Variants in GPD2 observed in about 807,000 individuals in gnomAD.
The protein encoded by GPD2 is glycerol-3-phosphate dehydrogenase 2, also known as glycerol-3-phosphate dehydrogenase, mitochondrial.
In GPD2, 54 loss-of-function variants were observed where a neutral mutation model predicts 82.4. The observed-to-expected ratio is 0.66, with a 90% confidence interval of 0.53 to 0.82. The LOEUF is 0.82. Among genes scored for constraint, GPD2 ranks in the 40% least tolerant of loss-of-function variants. The pLI is 0.00. For synonymous variants in GPD2, 288 were observed against 306.1 expected (o/e 0.94, Z 0.62); for missense variants, 748 against 896.2 (o/e 0.83, Z 2.11).
At chr2:156,550,556 CAG>C (rs945484116) in intron 7 of GPD2, 44 bp from the exon 8 acceptor site, 2 of 1,595,418 alleles carry the variant, frequency 1.3e-6, no homozygotes, top group Non-Finnish European at 1.7e-6. Context: ...CATCCGTTAA[CAG>C]AGAAACAAAT....
In GPD2 at chr2:156,528,544, T is replaced by C. The variant is rs375361638; in HGVS notation, c.661+15048T>C. 1.1e-4 allele frequency among the ~76,000 whole-genome samples: 16 copies of C among 150,808 alleles called. No homozygotes were observed. In the South Asian group the frequency reaches 1.9e-3, roughly 18 times the overall value. On this transcript the variant is annotated intron_variant, in intron 6 of 16. Transcript: ENST00000438166. ...TGCTAGTGCGCTGCACCCACTAACT[T>C]GTCATCTAGCATTAGGTATATCTCC...
chr2:156,452,290 G>A (rs369912508), intron 1 of GPD2, among the ~76,000 whole-genome samples: 7 of 152,354 alleles, frequency 4.6e-5, no homozygotes, highest in East Asian at 3.9e-4. Context: ...ACCAGACTCC[G>A]TCTGCAATCC....
At chr2:156,573,870 C>T (rs181210333) in intron 13 of GPD2, among the ~76,000 whole-genome samples, 51 of 152,124 alleles carry the variant, frequency 3.4e-4, no homozygotes, top group African/African-American at 1.1e-3. Flanking sequence ...ATTATTTAAC[C>T]TGCAAAAGTG....
At chr2:156,484,575 C>T (rs1485105163) in intron 2 of GPD2, among the ~76,000 whole-genome samples, 1 of 152,066 alleles carries the variant, frequency 6.6e-6, no homozygotes, top group East Asian at 1.9e-4. Flanking sequence ...TGAGGTGGCT[C>T]ATGCCTGTAA....
the GPD2 span, among the ~76,000 whole-genome samples, chr2:156,424,896 T>C: frequency 3.9e-5 from 6 of 152,170 alleles, no homozygotes; most frequent in African/African-American, 1.2e-4. Flanking sequence ...TATTGTAAAT[T>C]AGAAAGAAAA....
At chr2:156,445,839 T>C (rs911768689) in intron 1 of GPD2, among the ~76,000 whole-genome samples, 3 of 152,210 alleles carry the variant, frequency 2.0e-5, no homozygotes, top group African/African-American at 4.8e-5. Context: ...GGCATTTCTT[T>C]ATTAAAAGAT....
chr2:156,416,451 T>C, the GPD2 span, among the ~76,000 whole-genome samples: 1 of 151,326 alleles, frequency 6.6e-6, no homozygotes, highest in African/African-American at 2.4e-5. Context: ...AGGCTCCAGG[T>C]ATCCCCTTGC....
chr2:156,494,448 C>T (rs1443582937), intron 2 of GPD2, among the ~76,000 whole-genome samples: 1 of 152,190 alleles, frequency 6.6e-6, no homozygotes, highest in East Asian at 1.9e-4. Flanking sequence ...TGCTAAATCC[C>T]AGGCTGGGAT....
At chr2:156,491,481 C>A (rs531229378) in intron 2 of GPD2, among the ~76,000 whole-genome samples, 3 of 152,188 alleles carry the variant, frequency 2.0e-5, no homozygotes, top group African/African-American at 7.2e-5. Context: ...GAAGTTCATT[C>A]GTGTTGCTGT....
At position 156,557,595 on chromosome 2, in the gene GPD2, T is replaced by A; in HGVS notation, c.1165+13T>A. 1 of 1,459,002 alleles carries A rather than the reference T, an allele frequency of 6.9e-7. No homozygotes were observed. The highest frequency in any genetic ancestry group is 9.6e-7 in the Non-Finnish European group (1 of 1,038,696). The allele number at this position is 1,459,002 out of a possible 1,614,324, so 90.4% of individuals were successfully genotyped here. A position where few individuals can be genotyped will look rare whatever the true frequency, so the allele number is the denominator to read the frequency against. ...TGTGATGTTGAAGGTAACTAAGCAT[T>A]CCTTTAAGTTTGTCTCTCTGTGTCC... On this transcript the variant is annotated intron_variant, in intron 9 of 16. Transcript: ENST00000438166.
chr2:156,450,080 A>G (rs1266664763), intron 1 of GPD2, among the ~76,000 whole-genome samples: 1 of 152,172 alleles, frequency 6.6e-6, no homozygotes, highest in Non-Finnish European at 1.5e-5. Flanking sequence ...TAGTTGGGTG[A>G]ACTTGCCTGC....
chr2:156,417,204 C>T, the GPD2 span, among the ~76,000 whole-genome samples: 54 of 152,278 alleles, frequency 3.5e-4, 2 homozygotes, highest in South Asian at 0.01. Context: ...CAGTGTCTCT[C>T]ATATTGTAGG....
At chr2:156,518,585 G>C (rs1685283636) in intron 6 of GPD2, among the ~76,000 whole-genome samples, 1 of 152,066 alleles carries the variant, frequency 6.6e-6, no homozygotes, top group Non-Finnish European at 1.5e-5. Context: ...AGAAAGCCCG[G>C]GTTAAAGACA....
intron 9 of GPD2, among the ~76,000 whole-genome samples, chr2:156,565,137 T>A (rs1271169750): frequency 1.3e-5 from 2 of 152,146 alleles, no homozygotes; most frequent in African/African-American, 4.8e-5. Flanking sequence ...CAAAGCCTAA[T>A]TTTCCATCAA....
At chr2:156,576,831 A>C (rs940454638) in intron 13 of GPD2, among the ~76,000 whole-genome samples, 1 of 152,228 alleles carries the variant, frequency 6.6e-6, no homozygotes, top group Non-Finnish European at 1.5e-5. Flanking sequence ...GCAGGGAAGC[A>C]TCAGAGGTGG....
chr2:156,420,289 A>C, the GPD2 span, among the ~76,000 whole-genome samples: 6 of 152,006 alleles, frequency 3.9e-5, no homozygotes, highest in Non-Finnish European at 7.4e-5. Flanking sequence ...CTCCTGCCTC[A>C]GCCTCCCTAG....
intron 1 of GPD2, among the ~76,000 whole-genome samples, chr2:156,470,341 G>T (rs1051654107): frequency 2.2e-4 from 34 of 152,134 alleles, no homozygotes; most frequent in Middle Eastern, 3.4e-3. Context: ...AACTAGAGGT[G>T]TGCGCCACCA....
intron 3 of GPD2, among the ~76,000 whole-genome samples, chr2:156,496,730 CATATTT>C (rs1684396289): frequency 6.6e-6 from 1 of 151,690 alleles, no homozygotes; most frequent in Admixed American, 6.6e-5. Context: ...TTTTAAAGCA[CATATTT>C]ATATTTATAT....
the GPD2 span, among the ~76,000 whole-genome samples, chr2:156,423,030 C>A: frequency 1.3e-5 from 2 of 152,102 alleles, no homozygotes; most frequent in Non-Finnish European, 1.5e-5. Flanking sequence ...AAGAACTGTA[C>A]TTTTATCTTG....
Sources: gnomAD v4.1 joint callset for allele counts (sites outside exome capture counted in the v4.1 genomes callset) on GRCh38, gnomAD v4.1.1 for gene constraint, MANE v1.5 for transcripts, NCBI Gene and HGNC (gene_info 2026-07-23, HGNC 2026-07-21) for gene names.